RHOA: variants seen among roughly 807,000 people sequenced by gnomAD.
The protein encoded by RHOA is ras homolog family member A.
RHOA carries 3 observed loss-of-function variants against 17.5 expected under a neutral mutation model. The observed-to-expected ratio is 0.17, with a 90% CI of 0.08 to 0.44. The LOEUF (loss-of-function observed/expected upper bound fraction) is 0.44. Ranked by LOEUF, RHOA falls within the 20% of genes least tolerant of loss-of-function variation. The pLI, the probability that RHOA is intolerant of heterozygous loss-of-function variation, is 0.99. For synonymous variants in RHOA, 98 were observed against 88.4 expected, an observed-to-expected ratio of 1.11 and a Z score of -0.61; for missense variants, 56 against 242.3, an observed-to-expected ratio of 0.23 and a Z score of 5.10.
At position 49,408,251 on chromosome 3, in the gene RHOA, CATAT is replaced by C. The variant is rs1226863751; in HGVS notation, c.-3+3565_-3+3568del. 3.8e-5 allele frequency among the ~76,000 whole-genome samples: 5 copies of C among 130,872 alleles called. No individual in the cohort carries two copies. The South Asian group carries it at 1.6e-3, about 43-fold the overall frequency. 85.9% of individuals were successfully genotyped at this position (130,872 alleles called of 152,430 possible). A position where few individuals can be genotyped will look rare whatever the true frequency, so the allele number is the denominator to read the frequency against. On this transcript the variant is annotated intron_variant, in intron 1 of 4. Transcript: ENST00000418115. Reference sequence around the variant, plus strand: ...ATATACGTATACACGTATATGTACACATATATATACGTATACACGTATATACGTA... The same window carrying C: ...ATATACGTATACACGTATATGTACACATATACGTATACACGTATATACGTA...
intron 1 of RHOA, among the ~76,000 whole-genome samples, chr3:49,395,250 C>CA (rs1212231450): frequency 2.4e-3 from 270 of 111,698 alleles, no homozygotes; most frequent in Middle Eastern, 9.4e-3. Context: ...GACTCCGTCT[C>CA]AAAAAAAAAA....
chr3:49,399,141 A>G (rs1002914118), intron 1 of RHOA, among the ~76,000 whole-genome samples: 2 of 148,322 alleles, frequency 1.3e-5, no homozygotes, highest in Non-Finnish European at 3.0e-5. Flanking sequence ...AGGCCGAGGC[A>G]GGCAGATCAC....
rs1160140765 is a variant in RHOA, at chr3:49,369,006, C to CTTTTTT, written c.157-464_157-459dup. Among the ~76,000 whole-genome samples, 199 of 59,708 alleles carry CTTTTTT rather than the reference C, an allele frequency of 3.3e-3. 5 individuals carry two copies. Among genetic ancestry groups the CTTTTTT allele is most frequent in the African/African-American group, 7.0e-3 (90 of 12,924 alleles). 39.2% of individuals were successfully genotyped at this position (59,708 alleles called of 152,430 possible). Reference sequence around the variant, plus strand: ...GCAGGCGTGACCCACCGCGCCTGGCCTTTTTTTTTTTTTTTTTTTTTTTTT... The same window carrying CTTTTTT: ...GCAGGCGTGACCCACCGCGCCTGGCCTTTTTTTTTTTTTTTTTTTTTTTTTTTTTTT... On this transcript the variant is annotated intron_variant, in intron 2 of 4. Transcript: ENST00000418115.
At chr3:49,392,251 G>C (rs1261757051) in intron 1 of RHOA, among the ~76,000 whole-genome samples, 3 of 152,110 alleles carry the variant, frequency 2.0e-5, no homozygotes, top group African/African-American at 7.2e-5. Flanking sequence ...GGGCAATACA[G>C]TGAGACCTCA....
intron 1 of RHOA, among the ~76,000 whole-genome samples, chr3:49,404,782 A>T (rs2048795082): frequency 6.7e-6 from 1 of 149,742 alleles, no homozygotes; most frequent in African/African-American, 2.5e-5. Flanking sequence ...ACAAAAAAAA[A>T]AAAAAATTAG....
At chr3:49,378,240 CTTTTTTTTT>C (rs71077802) in intron 1 of RHOA, among the ~76,000 whole-genome samples, 5 of 60,680 alleles carry the variant, frequency 8.2e-5, no homozygotes, top group Non-Finnish European at 1.4e-4. Flanking sequence ...ATCCATCTAT[CTTTTTTTTT>C]TTTTTTTTTT....
chr3:49,397,739 C>A (rs1452734361), intron 1 of RHOA, among the ~76,000 whole-genome samples: 3 of 151,892 alleles, frequency 2.0e-5, no homozygotes, highest in Non-Finnish European at 2.9e-5. Context: ...TAGAGGGGAA[C>A]GAGATTTCGC....
chr3:49,383,401 T>C (rs1275787547), intron 1 of RHOA, among the ~76,000 whole-genome samples: 19 of 142,148 alleles, frequency 1.3e-4, no homozygotes, highest in East Asian at 8.8e-4. Context: ...GCCTGGTCTA[T>C]AGAGCGAGAA....
intron 1 of RHOA, among the ~76,000 whole-genome samples, chr3:49,387,578 C>A (rs1169447471): frequency 3.3e-5 from 5 of 151,260 alleles, no homozygotes; most frequent in Non-Finnish European, 4.4e-5. Context: ...CCCGTCTCTA[C>A]TAAAAATACA....
chr3:49,397,727 A>T (rs2048641612), intron 1 of RHOA, among the ~76,000 whole-genome samples: 1 of 152,136 alleles, frequency 6.6e-6, no homozygotes, highest in Non-Finnish European at 1.5e-5. Flanking sequence ...ACATTACGAG[A>T]TTAGAGGGGA....
intron 1 of RHOA, among the ~76,000 whole-genome samples, chr3:49,399,929 C>T (rs1203193858): frequency 6.6e-6 from 1 of 151,880 alleles, no homozygotes; most frequent in Non-Finnish European, 1.5e-5. Context: ...ACTCAAGAAA[C>T]TACAGAAACG....
chr3:49,366,264 C>T (rs2048054844), intron 3 of RHOA, among the ~76,000 whole-genome samples: 2 of 152,122 alleles, frequency 1.3e-5, no homozygotes, highest in Non-Finnish European at 2.9e-5. Context: ...GCCCAGCCTC[C>T]AGGGCCTTCC....
chr3:49,389,331 C>A (rs2048457527), intron 1 of RHOA, among the ~76,000 whole-genome samples: 1 of 151,508 alleles, frequency 6.6e-6, no homozygotes, highest in Non-Finnish European at 1.5e-5. Context: ...AAAAAAGGAG[C>A]ATAGTGGTTG....
intron 1 of RHOA, among the ~76,000 whole-genome samples, chr3:49,382,857 C>T (rs1050183480): frequency 6.6e-6 from 1 of 152,040 alleles, no homozygotes; most frequent in Admixed American, 6.6e-5. Flanking sequence ...GAGTTCGAGA[C>T]AAGCCTGACC....
At chr3:49,402,920 C>A (rs1014577109) in intron 1 of RHOA, among the ~76,000 whole-genome samples, 1 of 151,876 alleles carries the variant, frequency 6.6e-6, no homozygotes, top group African/African-American at 2.4e-5. Context: ...GCCTGTAGTT[C>A]CAGCTACTCG....
At chr3:49,365,634 A>G (rs1322152008) in intron 3 of RHOA, among the ~76,000 whole-genome samples, 3 of 140,034 alleles carry the variant, frequency 2.1e-5, no homozygotes, top group African/African-American at 5.5e-5. Flanking sequence ...TCTGTCACCT[A>G]GGCTGGAGTG....
At chr3:49,373,430 A>G (rs1203808194) in intron 2 of RHOA, 2 of 155,114 alleles carry the variant, frequency 1.3e-5, no homozygotes, top group African/African-American at 2.4e-5. Flanking sequence ...TATGAGACAT[A>G]TAACTGAATG....
intron 1 of RHOA, among the ~76,000 whole-genome samples, chr3:49,398,117 T>A (rs780348644): frequency 6.6e-6 from 1 of 152,030 alleles, no homozygotes; most frequent in African/African-American, 2.4e-5. Context: ...TCCCAGCACT[T>A]TGGGAGGCTG....
intron 1 of RHOA, among the ~76,000 whole-genome samples, chr3:49,380,940 G>GTATATA (rs55897702): frequency 6.7e-6 from 1 of 150,230 alleles, no homozygotes; most frequent in Non-Finnish European, 1.5e-5. Flanking sequence ...ACGTGTGTGT[G>GTATATA]TATATATATA....
Sources: gnomAD v4.1 joint callset for allele counts (sites outside exome capture counted in the v4.1 genomes callset) on GRCh38, gnomAD v4.1.1 for gene constraint, MANE v1.5 for transcripts, NCBI Gene and HGNC (gene_info 2026-07-23, HGNC 2026-07-21) for gene names.